AMBP: variants seen among roughly 807,000 people sequenced by gnomAD.
AMBP encodes the protein protein AMBP.
A neutral mutation model predicts 46.3 loss-of-function variants in AMBP; 37 were observed. The observed-to-expected ratio is 0.80, with a 90% CI of 0.61 to 1.05. AMBP has a LOEUF of 1.05. AMBP is among the 50% of genes least tolerant of loss of function. The pLI is 0.00. For synonymous variants in AMBP, 174 were observed against 175.9 expected (o/e 0.99, Z 0.09); for missense variants, 475 against 461.2 (o/e 1.03, Z -0.27).
At chr9:114,073,080 AG>A in intron 4 of AMBP, 54 bp from the exon 5 acceptor site, 1 of 1,494,768 alleles carries the variant, frequency 6.7e-7, no homozygotes, top group Non-Finnish European at 9.1e-7. Flanking sequence ...TTGGAGTGGA[AG>A]GGCCTGAAAT....
In AMBP at chr9:114,068,813, A is replaced by C. The variant is rs547275856; in HGVS notation, c.603+886T>G. 2.9e-3 allele frequency among the ~76,000 whole-genome samples: 436 copies of C among 150,660 alleles called. 1 individual carries two copies. Among genetic ancestry groups the C allele is most frequent in the Non-Finnish European group, 5.4e-3 (367 of 67,564 alleles). On this transcript the variant is annotated intron_variant, in intron 6 of 9. Transcript: ENST00000265132. ...TAGTTTTGAGGTGGTGAGATTAAAA[A>C]AAAAAAAAAAAAAAAAAAACCTTTA... is the stretch of plus-strand genomic sequence containing the variant.
chr9:114,077,572 C>T (rs969504224), intron 1 of AMBP: 1 of 158,986 alleles, frequency 6.3e-6, no homozygotes, highest in Admixed American at 6.0e-5. Flanking sequence ...CAACCCTAAT[C>T]TCTGTCCTGC....
At chr9:114,077,315 C>T (rs1213018983) in intron 1 of AMBP, among the ~76,000 whole-genome samples, 1 of 152,200 alleles carries the variant, frequency 6.6e-6, no homozygotes, top group Non-Finnish European at 1.5e-5. Context: ...CTCCTCATTG[C>T]CCCTCTGCCA....
chr9:114,074,247 C>G, intron 3 of AMBP, 95 bp from the exon 4 acceptor site: 1 of 872,846 alleles, frequency 1.1e-6, no homozygotes, highest in South Asian at 1.5e-5. Flanking sequence ...ATCATCTCCT[C>G]ATCCATCCAT....
At chr9:114,075,164 G>T in intron 2 of AMBP, 128 bp from the exon 3 acceptor site, 1 of 675,590 alleles carries the variant, frequency 1.5e-6, no homozygotes, top group Non-Finnish European at 2.5e-6. Flanking sequence ...GTTTTTGTTT[G>T]CTTTTTAATT....
intron 2 of AMBP, among the ~76,000 whole-genome samples, chr9:114,076,243 G>T (rs1846805244): frequency 6.6e-6 from 1 of 151,804 alleles, no homozygotes; most frequent in African/African-American, 2.4e-5. Context: ...AAGTGAACAG[G>T]TTGGGGGGGA....
chr9:114,069,593 C>G, intron 6 of AMBP, 106 bp downstream of exon 6: 1 of 1,122,524 alleles, frequency 8.9e-7, no homozygotes. Flanking sequence ...CTCTCACCCC[C>G]TCCCCATGAC....
chr9:114,067,319 C>A (rs1223535791), intron 6 of AMBP, among the ~76,000 whole-genome samples: 1 of 152,110 alleles, frequency 6.6e-6, no homozygotes, highest in African/African-American at 2.4e-5. Flanking sequence ...CTCACTGTAA[C>A]CTAGAACTCC....
At chr9:114,066,411 G>GTGTGTGTGTGTGTGTGTA (rs1264028636) in intron 6 of AMBP, among the ~76,000 whole-genome samples, 1 of 148,622 alleles carries the variant, frequency 6.7e-6, no homozygotes, top group Non-Finnish European at 1.5e-5. Context: ...GTGTGTGTGT[G>GTGTGTGTGTGTGTGTGTA]TAGAGATGGG....
intron 9 of AMBP, 109 bp from the exon 10 acceptor site, chr9:114,060,379 T>G (rs368906060): frequency 8.5e-7 from 1 of 1,172,984 alleles, no homozygotes. Context: ...ATCATTTATC[T>G]CCAAAGGGTA....
intron 9 of AMBP, among the ~76,000 whole-genome samples, chr9:114,060,696 CTCAG>C (rs1846625383): frequency 6.6e-6 from 1 of 152,206 alleles, no homozygotes; most frequent in Non-Finnish European, 1.5e-5. Flanking sequence ...TGCCCCACTC[CTCAG>C]TCAGCCCTGC....
chr9:114,067,475 C>G (rs1301429227), intron 6 of AMBP, among the ~76,000 whole-genome samples: 1 of 152,086 alleles, frequency 6.6e-6, no homozygotes, highest in East Asian at 1.9e-4. Flanking sequence ...AGACTGGTCT[C>G]AAACTCCTGG....
At chr9:114,073,397 C>T (rs529039832) in intron 4 of AMBP, among the ~76,000 whole-genome samples, 1 of 152,100 alleles carries the variant, frequency 6.6e-6, no homozygotes, top group South Asian at 2.1e-4. Context: ...CAGGCACCTG[C>T]CACCACGCCC....
chr9:114,061,111 G>A lies in AMBP; in HGVS notation c.854-13C>T, dbSNP rs1414772613. ...AGATTGCAGGCCGCTGTGGAGTGGA[G>A]AGAGGCATGGAACTTGAGAAACCCT... is the stretch of plus-strand genomic sequence containing the variant. On this transcript the variant is annotated splice_polypyrimidine_tract_variant and intron_variant, in intron 8 of 9. Coordinates refer to ENST00000265132, the MANE Select transcript of AMBP (RefSeq NM_001633.4). 6.2e-7 allele frequency: 1 copy of A among 1,613,024 alleles called. No homozygotes were observed. Among genetic ancestry groups the A allele is most frequent in the Non-Finnish European group, 8.5e-7 (1 of 1,179,482 alleles).
At chr9:114,063,826 T>C (rs951237651) in intron 6 of AMBP, among the ~76,000 whole-genome samples, 3 of 152,184 alleles carry the variant, frequency 2.0e-5, no homozygotes, top group Non-Finnish European at 4.4e-5. Context: ...ACCATAGAGA[T>C]GATAAAGTGC....
Position 114,060,210 on chromosome 9 carries a change from C to A in AMBP, c.*29G>T, listed in dbSNP as rs1366524947. The A allele has an allele frequency of 4.4e-6, 7 of 1,609,102 alleles. No homozygotes were observed. Among genetic ancestry groups the A allele is most frequent in the Non-Finnish European group, 5.1e-6 (6 of 1,177,466 alleles). On this transcript the variant is annotated 3_prime_UTR_variant, in exon 10 of 10. Coordinates refer to ENST00000265132, the MANE Select transcript of AMBP (RefSeq NM_001633.4). ...ACAGGACCCCGGGACAGACACTGGC[C>A]ATCCTCTGACTTGCAGACCGGCCAG...
intron 6 of AMBP, among the ~76,000 whole-genome samples, 189 bp downstream of exon 6, chr9:114,069,510 A>G (rs1439930637): frequency 6.6e-6 from 1 of 152,234 alleles, no homozygotes; most frequent in Non-Finnish European, 1.5e-5. Flanking sequence ...TGGATTGGCA[A>G]CTAGTCCAGG....
chr9:114,076,105 C>T (rs986839489), intron 2 of AMBP, among the ~76,000 whole-genome samples: 7 of 151,876 alleles, frequency 4.6e-5, no homozygotes, highest in Non-Finnish European at 8.8e-5. Flanking sequence ...TTTCTGGTTA[C>T]TGGGTGAAGA....
At position 114,073,193 on chromosome 9, in the gene AMBP, G is replaced by C. The variant is rs1056233999; in HGVS notation, c.455-167C>G. On this transcript the variant is annotated intron_variant, in intron 4 of 9. Transcript: ENST00000265132. ...GAAAGACAGGCTCCCAAGAGGAAGA[G>C]GGGTCTCTCCCAGGTTCCCACCCAG... Among the ~76,000 whole-genome samples the C allele has an allele frequency of 5.3e-5, 8 of 152,250 alleles. No individual in the cohort carries two copies. The East Asian group carries it at 9.6e-4, about 18-fold the overall frequency.
Sources: allele counts gnomAD v4.1 joint callset (sites outside exome capture counted in the v4.1 genomes callset), GRCh38; gene constraint gnomAD v4.1.1; transcripts MANE v1.5; gene names NCBI Gene and HGNC (gene_info 2026-07-23, HGNC 2026-07-21).